SETDB2: variants seen among roughly 807,000 people sequenced by gnomAD.
SETDB2 encodes SET domain bifurcated histone lysine methyltransferase 2, also known as histone-lysine N-methyltransferase SETDB2.
Under a neutral mutation model 82.5 loss-of-function variants are expected in SETDB2, and 56 were observed. The observed-to-expected ratio is 0.68, with a 90% CI of 0.55 to 0.85. The LOEUF is 0.85. SETDB2 is among the 40% of genes least tolerant of loss of function. SETDB2 has a pLI of 0.00. For missense variants in SETDB2, 677 were observed against 816.4 expected, an observed-to-expected ratio of 0.83 and a Z score of 2.08; for synonymous variants, 272 against 284.9, an observed-to-expected ratio of 0.95 and a Z score of 0.46.
intron 12 of SETDB2, 34 bp from the exon 13 acceptor site, chr13:49,490,788 A>G (rs1308605142): frequency 2.6e-6 from 4 of 1,520,216 alleles, no homozygotes; most frequent in Non-Finnish European, 3.6e-6. Flanking sequence ...ACTTTATGCT[A>G]TTTCTAACCT....
chr13:49,449,576 T>TG (rs1207571686), intron 1 of SETDB2, among the ~76,000 whole-genome samples: 5 of 152,186 alleles, frequency 3.3e-5, no homozygotes, highest in Admixed American at 2.6e-4. Context: ...TCATTTTTTT[T>TG]TAAGTTGATT....
At chr13:49,489,927 T>TC (rs547089379) in intron 12 of SETDB2, among the ~76,000 whole-genome samples, 30,040 of 78,356 alleles carry the variant, frequency 0.38, 5,963 homozygotes, top group Middle Eastern at 0.54. Flanking sequence ...CCTTTTTTTT[T>TC]TACATAAAAC....
intron 4 of SETDB2, among the ~76,000 whole-genome samples, chr13:49,467,656 T>C (rs1237584466): frequency 2.0e-5 from 3 of 152,208 alleles, no homozygotes; most frequent in Non-Finnish European, 4.4e-5. Context: ...TAGAAATCTT[T>C]TCTGTCCTCA....
intron 12 of SETDB2, 29 bp from the exon 13 acceptor site, chr13:49,490,793 T>C (rs1958696683): frequency 8.4e-6 from 13 of 1,549,710 alleles, no homozygotes; most frequent in Non-Finnish European, 1.2e-5. Context: ...ATGCTATTTC[T>C]AACCTTTGTG....
chr13:49,446,405 T>A (rs1202436832), intron 1 of SETDB2: 1 of 456,382 alleles, frequency 2.2e-6, no homozygotes, highest in South Asian at 1.6e-5. Flanking sequence ...CAAGGAATGT[T>A]CCCTCACTCC....
chr13:49,490,279 CAAAAAAAAA>C (rs60013535), intron 12 of SETDB2, among the ~76,000 whole-genome samples: 3 of 83,180 alleles, frequency 3.6e-5, no homozygotes, highest in Non-Finnish European at 6.7e-5. Context: ...GACTCCGTCT[CAAAAAAAAA>C]AAAAAAAAAA....
At chr13:49,453,771 T>C (rs949387116) in intron 2 of SETDB2, among the ~76,000 whole-genome samples, 5 of 152,206 alleles carry the variant, frequency 3.3e-5, no homozygotes, top group African/African-American at 1.2e-4. Context: ...ATATTTTTAT[T>C]GGAAAATGGT....
rs777315678 is a variant in SETDB2, at chr13:49,488,477, A to G, written c.1764A>G (p.Arg588=). The change falls in exon 12 of 14, where the codon CGA becomes CGG. Residue 588 remains arginine (R), a synonymous_variant. Transcript: ENST00000611815. ...EVQIQKPQEG[R]STACQRQQVF... is the part of the protein sequence containing the mutation. The stretch of plus-strand genomic sequence containing the variant: ...AAATTCAGAAACCCCAAGAGGGACG[A>G]TCTACAGCATGTCAAAGACAGCAGG... 1 of 1,614,180 alleles carries G rather than the reference A, an allele frequency of 6.2e-7. No individual in the cohort carries two copies. Among genetic ancestry groups the G allele is most frequent in the South Asian group, 1.1e-5 (1 of 91,076 alleles).
At chr13:49,465,485 A>G (rs1254742874) in intron 4 of SETDB2, among the ~76,000 whole-genome samples, 2 of 152,162 alleles carry the variant, frequency 1.3e-5, no homozygotes. Flanking sequence ...TGTAAAATTA[A>G]TTTCTAATCA....
At chr13:49,453,542 C>T (rs373423506) in intron 2 of SETDB2, among the ~76,000 whole-genome samples, 1 of 152,140 alleles carries the variant, frequency 6.6e-6, no homozygotes, top group Non-Finnish European at 1.5e-5. Flanking sequence ...AAGTGATCCA[C>T]CCGCCTTAGC....
intron 5 of SETDB2, among the ~76,000 whole-genome samples, chr13:49,473,507 C>T (rs965248177): frequency 1.4e-5 from 2 of 146,058 alleles, no homozygotes; most frequent in East Asian, 2.0e-4. Flanking sequence ...ACCAAGATTG[C>T]ACCACTGCAC....
chr13:49,476,346 C>T, intron 5 of SETDB2, 130 bp from the exon 6 acceptor site: 1 of 690,240 alleles, frequency 1.4e-6, no homozygotes, highest in Non-Finnish European at 2.4e-6. Context: ...TGTAGAACAT[C>T]TTAAAATGTG....
chr13:49,466,510 A>G (rs1005103666), intron 4 of SETDB2, among the ~76,000 whole-genome samples: 9 of 152,052 alleles, frequency 5.9e-5, no homozygotes, highest in Non-Finnish European at 1.2e-4. Flanking sequence ...AGCAATGGTC[A>G]TGCACCAAAG....
At chr13:49,465,929 T>C (rs1363167089) in intron 4 of SETDB2, among the ~76,000 whole-genome samples, 1 of 152,186 alleles carries the variant, frequency 6.6e-6, no homozygotes, top group Non-Finnish European at 1.5e-5. Flanking sequence ...TGATAAGTGC[T>C]TCTGGTGTGG....
chr13:49,488,702 G>T, intron 12 of SETDB2, 72 bp downstream of exon 12: 1 of 1,239,692 alleles, frequency 8.1e-7, no homozygotes, highest in Non-Finnish European at 1.1e-6. Context: ...AAATTATGAG[G>T]AAAATAAACA....
chr13:49,459,322 G>A (rs1318598428), intron 2 of SETDB2, among the ~76,000 whole-genome samples: 6 of 152,148 alleles, frequency 3.9e-5, no homozygotes, highest in Admixed American at 6.5e-5. Flanking sequence ...CATCTGGACT[G>A]TCTACTCATT....
rs141348305 is a variant in SETDB2 at position 49,491,630 on chromosome 13, A to G, written c.2007-102A>G. ...GATGTTGGGTGAGAGAACAGATCAT[A>G]TTTTTGAGGATGGTTAATGTTAATA... On this transcript the variant is annotated intron_variant, in intron 13 of 13. Coordinates refer to ENST00000611815, the MANE Select transcript of SETDB2 (RefSeq NM_001160308.3). 8.4e-5 allele frequency: 66 copies of G among 782,978 alleles called. No homozygotes were observed. The East Asian group carries it at 1.6e-3, about 19-fold the overall frequency. The allele number at this position is 782,978 out of a possible 1,614,324, so 48.5% of individuals were successfully genotyped here. A position where few individuals can be genotyped will look rare whatever the true frequency, so the allele number is the denominator to read the frequency against.
At chr13:49,460,393 TC>T (rs979464346) in intron 3 of SETDB2, among the ~76,000 whole-genome samples, 161 bp downstream of exon 3, 1 of 152,200 alleles carries the variant, frequency 6.6e-6, no homozygotes, top group Non-Finnish European at 1.5e-5. Flanking sequence ...GCTACTTTTT[TC>T]CCTCATTTAT....
chr13:49,462,435 A>C (rs1411267102), intron 4 of SETDB2, among the ~76,000 whole-genome samples: 1 of 152,218 alleles, frequency 6.6e-6, no homozygotes, highest in Non-Finnish European at 1.5e-5. Context: ...ATTAAGACAA[A>C]TATTATAACA....
Sources: allele counts gnomAD v4.1 joint callset (sites outside exome capture counted in the v4.1 genomes callset), GRCh38; gene constraint gnomAD v4.1.1; transcripts MANE v1.5; gene names NCBI Gene and HGNC (gene_info 2026-07-23, HGNC 2026-07-21).